The following CYB5R4 variants were observed in gnomAD, a reference collection of about 807,000 sequenced individuals.
CYB5R4 encodes N-terminal cytochrome b5 and cytochrome b5 oxidoreductase domain-containing protein.
CYB5R4 carries 55 observed loss-of-function variants against 70.2 expected under a neutral mutation model. The ratio of observed to expected loss-of-function variants is 0.78; its 90% CI spans 0.63 to 0.98. The LOEUF is 0.98. Ranked by LOEUF, CYB5R4 falls within the 50% of genes least tolerant of loss-of-function variation. The pLI is 0.00. For missense variants in CYB5R4, 562 were observed against 612.6 expected (o/e 0.92, Z 0.87); for synonymous variants, 197 against 199.5 (o/e 0.99, Z 0.11).
rs1425765909 is a variant in CYB5R4 at position 83,962,439 on chromosome 6, G to T, written c.*2561G>T. On this transcript the variant is annotated 3_prime_UTR_variant, in exon 16 of 16. Coordinates refer to ENST00000369681, the MANE Select transcript of CYB5R4 (RefSeq NM_016230.4). ...TCAAAGACTCCTACATCACATATTT[G>T]CAGTGAAGAAGAATTACGCTCAAAG... 1 of 152,148 alleles carries T rather than the reference G, an allele frequency of 6.6e-6. No individual in the cohort carries two copies. 9.4% of individuals were successfully genotyped at this position (152,148 alleles called of 1,614,324 possible). A position where few individuals can be genotyped will look rare whatever the true frequency, so the allele number is the denominator to read the frequency against.
At chr6:83,954,176 A>C (rs1459615878) in intron 14 of CYB5R4, among the ~76,000 whole-genome samples, 4 of 152,144 alleles carry the variant, frequency 2.6e-5, no homozygotes, top group Non-Finnish European at 4.4e-5. Context: ...ATTCCACAGG[A>C]ATTGTCTATA....
intron 8 of CYB5R4, among the ~76,000 whole-genome samples, chr6:83,922,207 G>A (rs1009297794): frequency 1.3e-5 from 2 of 152,132 alleles, no homozygotes; most frequent in South Asian, 4.1e-4. Context: ...ATGGGCAATT[G>A]AGTATTTGCT....
intron 3 of CYB5R4, among the ~76,000 whole-genome samples, chr6:83,903,717 T>G (rs1481378351): frequency 6.6e-6 from 1 of 152,124 alleles, no homozygotes; most frequent in Non-Finnish European, 1.5e-5. Context: ...TGATTCAATC[T>G]TGCTACTGGT....
chr6:83,936,372 G>A lies in CYB5R4; in HGVS notation c.1104G>A (p.Gln368=), dbSNP rs565369665. The part of the protein sequence containing the change: ...GLFTPELDRL[Q]IGDFVSVSSP... ...TCACACCAGAGCTTGATCGTCTTCA[G>A]ATTGGTTAGTATTTTTACATTTTTT... Residue 368 remains glutamine, a synonymous_variant, in exon 12 of 16, where the codon CAG becomes CAA. Transcript: ENST00000369681. The A allele has an allele frequency of 1.2e-6, 2 of 1,611,208 alleles. No individual in the cohort carries two copies. The highest frequency in any genetic ancestry group is 1.7e-6 in the Non-Finnish European group (2 of 1,179,144).
chr6:83,925,383 G>A (rs371754697), intron 10 of CYB5R4, among the ~76,000 whole-genome samples: 1 of 152,108 alleles, frequency 6.6e-6, no homozygotes, highest in Non-Finnish European at 1.5e-5. Context: ...CAACACTGGG[G>A]ATTACAATTC....
intron 2 of CYB5R4, among the ~76,000 whole-genome samples, chr6:83,891,622 G>A (rs61762805): frequency 0.023 from 3,486 of 152,286 alleles, 50 homozygotes; most frequent in Non-Finnish European, 0.035. Flanking sequence ...CTTGGACTGA[G>A]ACACTATTTA....
intron 3 of CYB5R4, among the ~76,000 whole-genome samples, chr6:83,904,845 A>G (rs2099463514): frequency 6.6e-6 from 1 of 152,034 alleles, no homozygotes; most frequent in South Asian, 2.1e-4. Context: ...ACCTCACTGA[A>G]CTTCTTTAGA....
At chr6:83,886,542 T>C (rs1386456003) in intron 2 of CYB5R4, among the ~76,000 whole-genome samples, 1 of 152,222 alleles carries the variant, frequency 6.6e-6, no homozygotes, top group African/African-American at 2.4e-5. Flanking sequence ...GACCACATAT[T>C]GTATGATCCC....
intron 14 of CYB5R4, among the ~76,000 whole-genome samples, chr6:83,953,365 AATT>A (rs1159978404): frequency 6.6e-6 from 1 of 151,766 alleles, no homozygotes; most frequent in African/African-American, 2.4e-5. Flanking sequence ...AAACATATAT[AATT>A]ATATATATTT....
chr6:83,901,983 C>T (rs576971317), intron 3 of CYB5R4, among the ~76,000 whole-genome samples: 94 of 151,978 alleles, frequency 6.2e-4, no homozygotes, highest in Non-Finnish European at 6.9e-4. Flanking sequence ...TGTGTCTTCA[C>T]TCTCTTGATT....
intron 4 of CYB5R4, 152 bp from the exon 5 acceptor site, chr6:83,914,264 C>T (rs2099465138): frequency 5.6e-6 from 4 of 719,610 alleles, no homozygotes; most frequent in Non-Finnish European, 8.4e-6. Context: ...AAACAAAGGC[C>T]GTTTCTATAT....
intron 11 of CYB5R4, among the ~76,000 whole-genome samples, 181 bp from the exon 12 acceptor site, chr6:83,936,043 C>T (rs1014329475): frequency 2.3e-4 from 35 of 151,706 alleles, no homozygotes; most frequent in African/African-American, 8.2e-4. Context: ...AAAATTGTTT[C>T]GGCACACATA....
chr6:83,885,742 G>C (rs1033857658), intron 2 of CYB5R4, among the ~76,000 whole-genome samples: 1 of 152,080 alleles, frequency 6.6e-6, no homozygotes, highest in Non-Finnish European at 1.5e-5. Flanking sequence ...TTTCTTCTCT[G>C]TGGAGAGTTG....
intron 8 of CYB5R4, among the ~76,000 whole-genome samples, chr6:83,921,919 A>C (rs1317477641): frequency 5.3e-5 from 8 of 152,238 alleles, no homozygotes; most frequent in Admixed American, 5.2e-4. Flanking sequence ...TTTCTGTCTT[A>C]TTAACTGTTG....
intron 4 of CYB5R4, 102 bp from the exon 5 acceptor site, chr6:83,914,314 C>T: frequency 7.7e-7 from 1 of 1,301,028 alleles, no homozygotes; most frequent in Admixed American, 3.2e-5. Flanking sequence ...GAAAGCCCTT[C>T]AAAAAAGAAG....
chr6:83,927,971 G>A (rs1284044560), intron 10 of CYB5R4, among the ~76,000 whole-genome samples: 1 of 152,034 alleles, frequency 6.6e-6, no homozygotes, highest in Non-Finnish European at 1.5e-5. Flanking sequence ...GAAATTTCAG[G>A]GATTTAGGAA....
chr6:83,918,107 T>G, intron 6 of CYB5R4, 42 bp downstream of exon 6: 1 of 1,360,954 alleles, frequency 7.3e-7, no homozygotes, highest in Non-Finnish European at 1.0e-6. Context: ...AAATCAATTA[T>G]GTACAAAAAT....
At chr6:83,907,264 CTT>C (rs1437537287) in intron 3 of CYB5R4, among the ~76,000 whole-genome samples, 9 of 152,056 alleles carry the variant, frequency 5.9e-5, no homozygotes, top group African/African-American at 2.2e-4. Context: ...TATTTTAAGA[CTT>C]TTAAGGCATA....
At chr6:83,880,896 C>T (rs1056427043) in intron 2 of CYB5R4, among the ~76,000 whole-genome samples, 2 of 152,196 alleles carry the variant, frequency 1.3e-5, no homozygotes, top group African/African-American at 4.8e-5. Flanking sequence ...CTACAGTCAT[C>T]TGCAAATAAG....
Sources: allele counts gnomAD v4.1 joint callset (sites outside exome capture counted in the v4.1 genomes callset), GRCh38; gene constraint gnomAD v4.1.1; transcripts MANE v1.5; gene names NCBI Gene and HGNC (gene_info 2026-07-23, HGNC 2026-07-21).